Variants in GRIN2B observed in about 807,000 individuals in gnomAD.
The protein encoded by GRIN2B is glutamate ionotropic receptor NMDA type subunit 2B.
GRIN2B carries 5 observed loss-of-function variants against 114.5 expected under a neutral mutation model. The ratio of observed to expected loss-of-function variants is 0.04; its 90% confidence interval spans 0.02 to 0.09. The LOEUF (loss-of-function observed/expected upper bound fraction) is 0.09, where lower values mean the gene tolerates loss of function less well. Among genes scored for constraint, GRIN2B ranks in the 10% least tolerant of loss-of-function variants. GRIN2B has a pLI of 1.00. For synonymous variants in GRIN2B, 787 were observed against 745.1 expected (o/e 1.06, Z -0.92); for missense variants, 1,108 against 1,943.5 (o/e 0.57, Z 8.08).
intron 2 of GRIN2B, among the ~76,000 whole-genome samples, chr12:13,893,866 T>C (rs887245818): frequency 2.0e-5 from 3 of 152,092 alleles, no homozygotes; most frequent in African/African-American, 7.2e-5. Flanking sequence ...GATTTATAAA[T>C]GGATGACACA....
At chr12:13,802,673 T>C (rs1038155917) in intron 3 of GRIN2B, among the ~76,000 whole-genome samples, 1 of 152,150 alleles carries the variant, frequency 6.6e-6, no homozygotes, top group African/African-American at 2.4e-5. Flanking sequence ...TGAATACAAA[T>C]AAATTTAAAT....
At position 13,945,249 on chromosome 12, in the gene GRIN2B, C is replaced by T. The variant is rs572502415; in HGVS notation, c.-19+34679G>A. On this transcript the variant is annotated intron_variant, in intron 2 of 13. Transcript: ENST00000609686. Reference sequence around the variant, plus strand: ...CCTGCTACTCTTCTTGTTCCAGATTCTTAATCCATTGAAGGTATCATTGTT... The same window carrying T: ...CCTGCTACTCTTCTTGTTCCAGATTTTTAATCCATTGAAGGTATCATTGTT... 1.1e-4 allele frequency among the ~76,000 whole-genome samples: 16 copies of T among 152,306 alleles called. No homozygotes were observed. In the South Asian group the frequency reaches 3.1e-3, roughly 30 times the overall value.
At chr12:13,621,053 G>A (rs1233568889) in intron 5 of GRIN2B, among the ~76,000 whole-genome samples, 2 of 151,994 alleles carry the variant, frequency 1.3e-5, no homozygotes, top group South Asian at 2.1e-4. Flanking sequence ...TGGAGCAAAG[G>A]CAGGTTACAA....
chr12:13,597,790 A>G (rs1809526954), intron 10 of GRIN2B, among the ~76,000 whole-genome samples: 1 of 152,226 alleles, frequency 6.6e-6, no homozygotes, highest in South Asian at 2.1e-4. Context: ...AAGGACCTGG[A>G]CAACTTCTGG....
At chr12:13,899,941 C>T (rs1866415028) in intron 2 of GRIN2B, among the ~76,000 whole-genome samples, 1 of 152,118 alleles carries the variant, frequency 6.6e-6, no homozygotes, top group African/African-American at 2.4e-5. Context: ...CTACCAGCTC[C>T]CCTAAAGGAC....
At chr12:13,916,102 TA>T (rs1660510443) in intron 2 of GRIN2B, among the ~76,000 whole-genome samples, 1 of 151,968 alleles carries the variant, frequency 6.6e-6, no homozygotes, top group South Asian at 2.1e-4. Flanking sequence ...GGCCAGGAAA[TA>T]AAAGCCTGTG....
rs71067735 is a variant in GRIN2B, at chr12:13,878,063, C to CA, written c.-18-11838dup. On this transcript the variant is annotated intron_variant, in intron 2 of 13. Coordinates refer to ENST00000609686, the MANE Select transcript of GRIN2B (RefSeq NM_000834.5). The stretch of plus-strand genomic sequence containing the variant: ...TGGGTGACAGAGCAAGACTCTGTCT[C>CA]AAAAAAAAAAAAAAAAAAAAAAAAA... Among the ~76,000 whole-genome samples, 550 of 73,140 alleles carry CA rather than the reference C, an allele frequency of 7.5e-3. 6 individuals carry two copies. The highest frequency in any genetic ancestry group is 0.021 in the African/African-American group (385 of 18,016). 48.0% of individuals were successfully genotyped at this position (73,140 alleles called of 152,430 possible). A position where few individuals can be genotyped will look rare whatever the true frequency, so the allele number is the denominator to read the frequency against.
At chr12:13,847,543 G>A (rs866765403) in intron 3 of GRIN2B, among the ~76,000 whole-genome samples, 3 of 152,152 alleles carry the variant, frequency 2.0e-5, no homozygotes, top group African/African-American at 7.2e-5. Context: ...AGCACTGACA[G>A]GATGAAGCAC....
At chr12:13,799,661 C>T (rs1346494499) in intron 3 of GRIN2B, among the ~76,000 whole-genome samples, 1 of 151,792 alleles carries the variant, frequency 6.6e-6, no homozygotes, top group Admixed American at 6.6e-5. Context: ...TAAAATCCTC[C>T]GGGCAGCTGC....
chr12:13,946,445 T>C (rs1398641702), intron 2 of GRIN2B, among the ~76,000 whole-genome samples: 3 of 152,020 alleles, frequency 2.0e-5, no homozygotes, highest in African/African-American at 7.2e-5. Flanking sequence ...TGAATTCCTC[T>C]TCCATCTCCC....
intron 2 of GRIN2B, among the ~76,000 whole-genome samples, chr12:13,955,068 T>C (rs1248950450): frequency 1.3e-5 from 2 of 151,974 alleles, no homozygotes; most frequent in Admixed American, 6.6e-5. Context: ...TCTTTTCTAT[T>C]CCAGGAGAAG....
intron 2 of GRIN2B, among the ~76,000 whole-genome samples, chr12:13,946,433 A>G (rs959371102): frequency 2.0e-5 from 3 of 151,918 alleles, no homozygotes; most frequent in African/African-American, 7.3e-5. Flanking sequence ...TTTCCCTGAC[A>G]TTGAATTCCT....
intron 12 of GRIN2B, 63 bp from the exon 13 acceptor site, chr12:13,567,326 G>T: frequency 9.1e-7 from 1 of 1,099,790 alleles, no homozygotes; most frequent in Non-Finnish European, 1.4e-6. Context: ...GCAGAGAAAA[G>T]GGAGAAAGAG....
At chr12:13,787,316 A>G (rs144072937) in intron 3 of GRIN2B, among the ~76,000 whole-genome samples, 28 of 152,348 alleles carry the variant, frequency 1.8e-4, no homozygotes, top group African/African-American at 3.4e-4. Context: ...TGAAGATTCT[A>G]TTTCATATAG....
chr12:13,835,722 T>C (rs1415295125), intron 3 of GRIN2B, among the ~76,000 whole-genome samples: 3 of 133,892 alleles, frequency 2.2e-5, no homozygotes, highest in African/African-American at 8.7e-5. Flanking sequence ...AAGGCAGGGA[T>C]GGATGTAAAG....
chr12:13,678,709 A>T (rs1950099913), intron 4 of GRIN2B, among the ~76,000 whole-genome samples: 1 of 152,080 alleles, frequency 6.6e-6, no homozygotes, highest in Non-Finnish European at 1.5e-5. Flanking sequence ...CATTAGTGTG[A>T]AGGTAATATT....
chr12:13,572,315 G>A (rs1000216967), intron 10 of GRIN2B, among the ~76,000 whole-genome samples: 2 of 152,156 alleles, frequency 1.3e-5, no homozygotes, highest in African/African-American at 4.8e-5. Flanking sequence ...CAGTGGGCTA[G>A]TCACCTTTCT....
In GRIN2B at chr12:13,870,980, A is replaced by G. The variant is rs78780445; in HGVS notation, c.-18-4754T>C. The stretch of plus-strand genomic sequence containing the variant: ...ATAAAATTCAAAGGCAAAAAATATC[A>G]AAAGGGACATTAAGTGGTATAACAT... On this transcript the variant is annotated intron_variant, in intron 2 of 13. Coordinates refer to ENST00000609686, the MANE Select transcript of GRIN2B (RefSeq NM_000834.5). 7.7e-4 allele frequency among the ~76,000 whole-genome samples: 117 copies of G among 152,294 alleles called. 2 individuals carry two copies. In the East Asian group the frequency reaches 0.019, roughly 24 times the overall value.
intron 5 of GRIN2B, among the ~76,000 whole-genome samples, chr12:13,632,364 C>T (rs1565483304): frequency 6.6e-6 from 1 of 152,228 alleles, no homozygotes; most frequent in African/African-American, 2.4e-5. Flanking sequence ...GGAATCACCA[C>T]AAAATGGGGT....
Sources: allele counts gnomAD v4.1 joint callset (sites outside exome capture counted in the v4.1 genomes callset), GRCh38; gene constraint gnomAD v4.1.1; transcripts MANE v1.5; gene names NCBI Gene and HGNC (gene_info 2026-07-23, HGNC 2026-07-21).